Variants in LAMA2 observed in about 807,000 individuals in gnomAD.
LAMA2 encodes laminin subunit alpha-2.
LAMA2 carries 269 observed loss-of-function variants against 364.8 expected under a neutral mutation model. The observed-to-expected ratio is 0.74, with a 90% confidence interval of 0.67 to 0.82. The LOEUF (loss-of-function observed/expected upper bound fraction) is 0.82, where lower values mean the gene tolerates loss of function less well. LAMA2 is among the 40% of genes least tolerant of loss of function. LAMA2 has a pLI of 0.00. For missense variants in LAMA2, 3,807 were observed against 3,873.2 expected (o/e 0.98, Z 0.45); for synonymous variants, 1,379 against 1,370.6 (o/e 1.01, Z -0.14).
rs367707899 is a variant in LAMA2 at position 129,422,736 on chromosome 6, A to T, written c.5866-5016A>T. The stretch of plus-strand genomic sequence containing the variant: ...TTCACACACACAAATTCAGTTCCAG[A>T]TGACTTTACTTGTGAATTCCACCAA... On this transcript the variant is annotated intron_variant, in intron 40 of 64. Coordinates refer to ENST00000421865, the MANE Select transcript of LAMA2 (RefSeq NM_000426.4). Among the ~76,000 whole-genome samples, 18 of 152,160 alleles carry T rather than the reference A, an allele frequency of 1.2e-4. 1 individual carries two copies. The East Asian group carries it at 2.3e-3, about 20-fold the overall frequency.
chr6:129,036,856 T>C (rs1471398238), intron 1 of LAMA2, among the ~76,000 whole-genome samples: 1 of 152,228 alleles, frequency 6.6e-6, no homozygotes, highest in African/African-American at 2.4e-5. Context: ...CATTGTTGTG[T>C]CAGGACAGCT....
intron 14 of LAMA2, among the ~76,000 whole-genome samples, chr6:129,258,360 G>A (rs1451787385): frequency 6.6e-6 from 1 of 152,008 alleles, no homozygotes; most frequent in Non-Finnish European, 1.5e-5. Flanking sequence ...TTCATCAACT[G>A]ATGAATGAAT....
Position 129,316,127 on chromosome 6 carries a change from C to T in LAMA2, c.4014C>T (p.Tyr1338=). 1 of 1,605,902 alleles carries T rather than the reference C, an allele frequency of 6.2e-7. No homozygotes were observed. The highest frequency in any genetic ancestry group is 1.3e-5 in the African/African-American group (1 of 74,848). The change falls in exon 27 of 65, where the codon TAC becomes TAT. Residue 1338 remains tyrosine, a synonymous_variant. Transcript: ENST00000421865. The part of the protein sequence containing the change: ...DFLDILYDIH[Y]ILIKATYGNF... Reference sequence around the variant, plus strand: ...TGGATATACTATATGATATTCATTACATTCTTATCAAAGCTACTTATGGAA... The same window carrying T: ...TGGATATACTATATGATATTCATTATATTCTTATCAAAGCTACTTATGGAA...
At chr6:129,015,035 T>A (rs1784989129) in intron 1 of LAMA2, among the ~76,000 whole-genome samples, 2 of 152,148 alleles carry the variant, frequency 1.3e-5, no homozygotes, top group South Asian at 4.1e-4. Context: ...AAGTAACTAA[T>A]GTTTTCCCAT....
At position 129,320,700 on chromosome 6, in the gene LAMA2, G is replaced by A; in HGVS notation, c.4176+45G>A. 3.0e-6 allele frequency: 3 copies of A among 1,016,840 alleles called. No homozygotes were observed. In the East Asian group the frequency reaches 7.1e-5, roughly 24 times the overall value. 63.0% of individuals were successfully genotyped at this position (1,016,840 alleles called of 1,614,324 possible). ...CCTGCTTAATCTCAAGTCACTTCAG[G>A]AGCTAAATGGAAATACTCCCAGAAG... On this transcript the variant is annotated intron_variant, in intron 28 of 64. Coordinates refer to ENST00000421865, the MANE Select transcript of LAMA2 (RefSeq NM_000426.4).
chr6:129,178,396 A>C (rs568294858), intron 10 of LAMA2, among the ~76,000 whole-genome samples: 1 of 152,308 alleles, frequency 6.6e-6, no homozygotes, highest in South Asian at 2.1e-4. Flanking sequence ...TACTTTTAGA[A>C]ATGCAACTTT....
At chr6:129,190,760 C>T (rs548189516) in intron 11 of LAMA2, among the ~76,000 whole-genome samples, 7 of 152,268 alleles carry the variant, frequency 4.6e-5, no homozygotes, top group South Asian at 2.1e-4. Context: ...TATCCACCAA[C>T]GCTTTAGTTA....
intron 29 of LAMA2, among the ~76,000 whole-genome samples, chr6:129,340,868 A>G (rs1164381164): frequency 6.6e-6 from 1 of 150,804 alleles, no homozygotes; most frequent in Non-Finnish European, 1.5e-5. Flanking sequence ...AAAGAAAAGA[A>G]AAGAAAAGAA....
intron 27 of LAMA2, among the ~76,000 whole-genome samples, chr6:129,319,139 ATAT>A (rs1774795680): frequency 1.3e-5 from 2 of 152,320 alleles, no homozygotes; most frequent in South Asian, 2.1e-4. Flanking sequence ...AAAGAAATCA[ATAT>A]TATTAGATTA....
intron 12 of LAMA2, among the ~76,000 whole-genome samples, chr6:129,234,157 T>G (rs888395455): frequency 6.6e-6 from 1 of 152,172 alleles, no homozygotes; most frequent in Non-Finnish European, 1.5e-5. Flanking sequence ...CTATTCTTAC[T>G]GGACTCCAAT....
At position 129,420,000 on chromosome 6, in the gene LAMA2, T is replaced by G. The variant is rs1780994399; in HGVS notation, c.5866-7752T>G. On this transcript the variant is annotated intron_variant, in intron 40 of 64. Transcript: ENST00000421865. Reference sequence around the variant, plus strand: ...TAAAATTGTGTATGATTTTTTAAATTATTATAAAAGCAGCTTATGTCTATT... The same window carrying G: ...TAAAATTGTGTATGATTTTTTAAATGATTATAAAAGCAGCTTATGTCTATT... Among the ~76,000 whole-genome samples the G allele has an allele frequency of 3.9e-5, 6 of 152,266 alleles. No homozygotes were observed. In the South Asian group the frequency reaches 1.2e-3, roughly 32 times the overall value.
At chr6:128,948,419 T>G (rs902484180) in intron 1 of LAMA2, among the ~76,000 whole-genome samples, 2 of 152,154 alleles carry the variant, frequency 1.3e-5, no homozygotes, top group Non-Finnish European at 2.9e-5. Context: ...TTCCCTAACC[T>G]GACCCCAGTC....
At chr6:129,286,286 C>A (rs1364721917) in intron 18 of LAMA2, among the ~76,000 whole-genome samples, 1 of 151,668 alleles carries the variant, frequency 6.6e-6, no homozygotes, top group Non-Finnish European at 1.5e-5. Flanking sequence ...GCTAGCCTGA[C>A]CATAAGATTC....
intron 1 of LAMA2, among the ~76,000 whole-genome samples, chr6:128,900,471 A>G (rs1238733926): frequency 1.3e-5 from 2 of 152,294 alleles, no homozygotes; most frequent in East Asian, 3.9e-4. Flanking sequence ...ACTTTTAGGA[A>G]GGAACACTTA....
chr6:129,296,882 A>C (rs1732174293), intron 20 of LAMA2, among the ~76,000 whole-genome samples: 1 of 152,126 alleles, frequency 6.6e-6, no homozygotes, highest in Non-Finnish European at 1.5e-5. Flanking sequence ...GCATTTTCTA[A>C]CGTTTCATTT....
intron 1 of LAMA2, among the ~76,000 whole-genome samples, chr6:129,021,649 G>A (rs929862243): frequency 2.0e-5 from 3 of 152,156 alleles, no homozygotes; most frequent in African/African-American, 7.2e-5. Flanking sequence ...GAATAGCTCA[G>A]GCAAGAAGAG....
intron 15 of LAMA2, among the ~76,000 whole-genome samples, chr6:129,264,414 C>A (rs1281552808): frequency 6.6e-6 from 1 of 151,724 alleles, no homozygotes; most frequent in Non-Finnish European, 1.5e-5. Flanking sequence ...AATCCATAGT[C>A]CAGTTTAGAA....
Position 129,222,998 on chromosome 6 carries a change from G to A in LAMA2, c.1783-27114G>A, listed in dbSNP as rs995230751. 2.0e-5 allele frequency among the ~76,000 whole-genome samples: 3 copies of A among 152,126 alleles called. 1 individual carries two copies. Among genetic ancestry groups the A allele is most frequent in the Admixed American group, 2.0e-4 (3 of 15,278 alleles). On this transcript the variant is annotated intron_variant, in intron 12 of 64. Coordinates refer to ENST00000421865, the MANE Select transcript of LAMA2 (RefSeq NM_000426.4). ...TTCCTATTTCTCCACATCCTCTCCAGCACCTGTTGTTTCCAGACTTTTTAA... is the reference window on the plus strand; with the variant it reads ...TTCCTATTTCTCCACATCCTCTCCAACACCTGTTGTTTCCAGACTTTTTAA...
chr6:129,276,438 A>G (rs1441184253), intron 17 of LAMA2, among the ~76,000 whole-genome samples: 3 of 152,170 alleles, frequency 2.0e-5, no homozygotes, highest in African/African-American at 7.2e-5. Context: ...AGTTAAAGAC[A>G]CACAAAATAT....
Sources: gnomAD v4.1 joint callset for allele counts (sites outside exome capture counted in the v4.1 genomes callset) on GRCh38, gnomAD v4.1.1 for gene constraint, MANE v1.5 for transcripts, NCBI Gene and HGNC (gene_info 2026-07-23, HGNC 2026-07-21) for gene names.